Variants in ANK2 observed in about 807,000 individuals in gnomAD.
The protein encoded by ANK2 is ankyrin 2.
Under a neutral mutation model 360.5 loss-of-function variants are expected in ANK2, and 83 were observed. The observed-to-expected ratio is 0.23, with a 90% CI of 0.19 to 0.28. ANK2 has a LOEUF of 0.28. Among genes scored for constraint, ANK2 ranks in the 10% least tolerant of loss-of-function variants. The pLI, the probability that ANK2 is intolerant of heterozygous loss-of-function variation, is 1.00. For synonymous variants in ANK2, 1,740 were observed against 1,759.5 expected, an observed-to-expected ratio of 0.99 and a Z score of 0.28; for missense variants, 4,201 against 4,795.7, an observed-to-expected ratio of 0.88 and a Z score of 3.66.
At chr4:113,375,388 G>A (rs979011791) in intron 45 of ANK2, among the ~76,000 whole-genome samples, 1 of 152,116 alleles carries the variant, frequency 6.6e-6, no homozygotes, top group African/African-American at 2.4e-5. Context: ...AATTTTAAAA[G>A]CATTTACAAT....
chr4:112,864,224 C>G (rs1210354243), intron 1 of ANK2, among the ~76,000 whole-genome samples: 1 of 152,146 alleles, frequency 6.6e-6, no homozygotes, highest in African/African-American at 2.4e-5. Flanking sequence ...AGAGTTTGTT[C>G]CATTGATTCT....
At chr4:112,958,997 C>T (rs1464653375) in intron 2 of ANK2, among the ~76,000 whole-genome samples, 2 of 151,938 alleles carry the variant, frequency 1.3e-5, no homozygotes, top group Admixed American at 6.6e-5. Flanking sequence ...TACAGGTGCC[C>T]GCCACCACGC....
At position 112,965,014 on chromosome 4, in the gene ANK2, C is replaced by A. The variant is rs1247867499; in HGVS notation, c.21+60500C>A. ...GATTTCCTTTCTTTGGGGGTATATA[C>A]CCAGCAGTGGGGTTGCTGGATCATA... is the stretch of plus-strand genomic sequence containing the variant. On this transcript the variant is annotated intron_variant, in intron 2 of 30. Coordinates refer to the ANK2 transcript ENST00000503271. 2.0e-5 allele frequency among the ~76,000 whole-genome samples: 3 copies of A among 152,290 alleles called. 1 individual carries two copies. The South Asian group carries it at 6.2e-4, about 32-fold the overall frequency.
At chr4:112,957,573 AC>A (rs2030092986) in intron 2 of ANK2, among the ~76,000 whole-genome samples, 1 of 151,186 alleles carries the variant, frequency 6.6e-6, no homozygotes, top group African/African-American at 2.4e-5. Flanking sequence ...AGGGCTCCTC[AC>A]TTCCCAGTAG....
At chr4:113,076,224 C>A (rs2079891320) in intron 1 of ANK2, among the ~76,000 whole-genome samples, 1 of 152,192 alleles carries the variant, frequency 6.6e-6, no homozygotes, top group African/African-American at 2.4e-5. Flanking sequence ...GCAAAAAAAT[C>A]TCATAATGTT....
intron 1 of ANK2, among the ~76,000 whole-genome samples, chr4:113,139,683 T>G (rs1408288025): frequency 6.6e-6 from 1 of 152,208 alleles, no homozygotes; most frequent in Non-Finnish European, 1.5e-5. Context: ...GTCCTCATAG[T>G]CTCTTTAATG....
chr4:112,742,927 T>C, the ANK2 span, among the ~76,000 whole-genome samples: 809 of 152,262 alleles, frequency 5.3e-3, 3 homozygotes, highest in African/African-American at 0.018. Flanking sequence ...GGTTTCACCA[T>C]GTTGGTCAGG....
At position 113,373,415 on chromosome 4, in the gene ANK2, G is replaced by T; in HGVS notation, c.11825G>T (p.Arg3942Leu). The T allele has an allele frequency of 6.2e-7, 1 of 1,614,166 alleles. No individual in the cohort carries two copies. Among genetic ancestry groups the T allele is most frequent in the African/African-American group, 1.3e-5 (1 of 75,056 alleles). The change falls in exon 45 of 46, where the codon CGT becomes CTT. Residue 3942 changes from arginine (R) to leucine (L), a missense_variant. Physicochemically the swap from Arg to Leu is moderately radical, Grantham distance 102. This residue lies in a region of ANK2 where 2,642 missense variants were observed against 2,714.5 expected (regional missense o/e 0.97). Transcript: ENST00000357077. ...EGDGYSKVIK[R>L]VVLKSDTEQS... ...GATGGCTATTCCAAAGTTATAAAGC[G>T]TGTTGTATTGAAGAGTGACACCGAG... is the stretch of plus-strand genomic sequence containing the variant.
At chr4:112,856,334 T>C (rs11934475) in intron 1 of ANK2, among the ~76,000 whole-genome samples, 93,379 of 152,098 alleles carry the variant, frequency 0.61, 30,270 homozygotes, top group East Asian at 0.85. Context: ...AAATTTTATT[T>C]AAACCAATAG....
At chr4:113,308,051 G>A (rs934395846) in intron 23 of ANK2, among the ~76,000 whole-genome samples, 10 of 151,992 alleles carry the variant, frequency 6.6e-5, no homozygotes, top group Admixed American at 5.9e-4. Flanking sequence ...AAAACTAAAG[G>A]TTGCTTTTAG....
Position 113,310,419 on chromosome 4 carries a change from G to A in ANK2, c.2549-836G>A, listed in dbSNP as rs1377477138. On this transcript the variant is annotated intron_variant, in intron 23 of 45. Coordinates refer to ENST00000357077, the MANE Select transcript of ANK2 (RefSeq NM_001148.6). ...ACTGGGGGAAAGAAAGAGTATATAAGCAGACTTTTTTTTTTTTAGATGAGT... is the reference window on the plus strand; with the variant it reads ...ACTGGGGGAAAGAAAGAGTATATAAACAGACTTTTTTTTTTTTAGATGAGT... Among the ~76,000 whole-genome samples, 3 of 151,826 alleles carry A rather than the reference G, an allele frequency of 2.0e-5. No individual in the cohort carries two copies. In the East Asian group the frequency reaches 5.8e-4, roughly 29 times the overall value.
chr4:112,775,316 C>T, the ANK2 span, among the ~76,000 whole-genome samples: 4 of 151,982 alleles, frequency 2.6e-5, no homozygotes, highest in Admixed American at 6.6e-5. Context: ...GTCGGAAGTT[C>T]GAGACCAGCC....
At chr4:113,219,310 C>T (rs2099122579) in intron 4 of ANK2, among the ~76,000 whole-genome samples, 1 of 152,000 alleles carries the variant, frequency 6.6e-6, no homozygotes, top group Non-Finnish European at 1.5e-5. Context: ...GACATTTAGA[C>T]ATTTTCATTA....
At chr4:113,004,268 A>T (rs1308055729) in intron 2 of ANK2, among the ~76,000 whole-genome samples, 1 of 152,216 alleles carries the variant, frequency 6.6e-6, no homozygotes. Flanking sequence ...ACTCTTTTAT[A>T]ATAACATTTA....
At chr4:113,274,729 C>A in intron 15 of ANK2, 80 bp downstream of exon 15, 2 of 1,463,374 alleles carry the variant, frequency 1.4e-6, no homozygotes, top group East Asian at 2.3e-5. Context: ...CATACAGAAT[C>A]AAGAGGGTAG....
At chr4:112,885,626 C>T (rs779459123) in intron 1 of ANK2, among the ~76,000 whole-genome samples, 1 of 151,122 alleles carries the variant, frequency 6.6e-6, no homozygotes, top group Non-Finnish European at 1.5e-5. Flanking sequence ...GAAACCCCGT[C>T]TCTGCTAAAA....
At position 113,277,851 on chromosome 4, in the gene ANK2, C is replaced by A; in HGVS notation, c.1698C>A (p.Pro566=). The A allele has an allele frequency of 1.2e-6, 2 of 1,613,468 alleles. No individual in the cohort carries two copies. The highest frequency in any genetic ancestry group is 1.1e-5 in the South Asian group (1 of 91,044). Residue 566 remains proline (P), a synonymous_variant, in exon 16 of 46, where the codon CCC becomes CCA. Transcript: ENST00000357077. The part of the protein sequence containing the change: ...HSLATKKGFT[P]LHVAAKYGSL... ...CACATTTTCAGAAGGGTTTTACTCCCCTGCATGTAGCAGCCAAGTATGGAA... is the reference window on the plus strand; with the variant it reads ...CACATTTTCAGAAGGGTTTTACTCCACTGCATGTAGCAGCCAAGTATGGAA...
At chr4:113,162,554 C>T (rs891018674) in intron 1 of ANK2, among the ~76,000 whole-genome samples, 9 of 152,216 alleles carry the variant, frequency 5.9e-5, no homozygotes, top group Admixed American at 5.9e-4. Flanking sequence ...TTCCACCTGA[C>T]TTATCAGCAG....
At chr4:112,852,380 G>A (rs11722815) in intron 1 of ANK2, among the ~76,000 whole-genome samples, 14,283 of 152,108 alleles carry the variant, frequency 0.094, 892 homozygotes, top group African/African-American at 0.18. Context: ...TTTAAAATTA[G>A]GAACTTGGTT....
Sources: gnomAD v4.1 joint callset for allele counts (sites outside exome capture counted in the v4.1 genomes callset) on GRCh38, gnomAD v4.1.1 for gene constraint, gnomAD v4.1.1 regional missense constraint, MANE v1.5 for transcripts, NCBI Gene and HGNC (gene_info 2026-07-23, HGNC 2026-07-21) for gene names.